The following AGBL4 variants were observed in gnomAD, a reference collection of about 807,000 sequenced individuals.
AGBL4 encodes cytosolic carboxypeptidase 6.
In AGBL4, 58 loss-of-function variants were observed where a neutral mutation model predicts 66.4. That is an observed-to-expected ratio of 0.87 (90% CI 0.71 to 1.09). The LOEUF is 1.09. Ranked by LOEUF, AGBL4 falls within the 50% of genes least tolerant of loss-of-function variation. The probability of loss-of-function intolerance (pLI) is 0.00; values close to 1 mark genes in which losing one functional copy is unlikely to be tolerated. For missense variants in AGBL4, 579 were observed against 631.0 expected (o/e 0.92, Z 0.88); for synonymous variants, 234 against 222.9 (o/e 1.05, Z -0.44).
chr1:49,335,244 C>G (rs1645410683), intron 3 of AGBL4, among the ~76,000 whole-genome samples: 2 of 152,202 alleles, frequency 1.3e-5, no homozygotes, highest in Non-Finnish European at 2.9e-5. Context: ...TTCTTTCTCT[C>G]AAACTCCACC....
intron 6 of AGBL4, among the ~76,000 whole-genome samples, chr1:48,732,924 C>T (rs17104732): frequency 1.3e-5 from 2 of 152,146 alleles, no homozygotes; most frequent in African/African-American, 4.8e-5. Context: ...GCGTGCAGAA[C>T]AGGTTTCTCA....
chr1:49,938,514 A>T (rs538886258), intron 1 of AGBL4, among the ~76,000 whole-genome samples: 1 of 152,354 alleles, frequency 6.6e-6, no homozygotes, highest in African/African-American at 2.4e-5. Context: ...GCACATCCTG[A>T]TACCAAAGCC....
intron 6 of AGBL4, among the ~76,000 whole-genome samples, chr1:48,790,661 A>G (rs148078871): frequency 2.0e-5 from 3 of 152,348 alleles, no homozygotes; most frequent in East Asian, 1.9e-4. Context: ...TGGAAACTCA[A>G]TCTCAAGTAC....
intron 2 of AGBL4, among the ~76,000 whole-genome samples, chr1:49,697,653 T>G (rs990694181): frequency 1.1e-4 from 17 of 152,182 alleles, no homozygotes; most frequent in Admixed American, 8.5e-4. Context: ...CTTCTCTGCC[T>G]GGCCCTTCTG....
At chr1:49,696,681 GA>G (rs965968558) in intron 3 of AGBL4, among the ~76,000 whole-genome samples, 106 of 149,476 alleles carry the variant, frequency 7.1e-4, no homozygotes, top group African/African-American at 2.4e-3. Context: ...TTCAAAATCT[GA>G]AAAAAAAACT....
At chr1:49,688,544 T>C (rs1011015668) in intron 3 of AGBL4, among the ~76,000 whole-genome samples, 5 of 152,200 alleles carry the variant, frequency 3.3e-5, no homozygotes, top group African/African-American at 1.2e-4. Context: ...ATACATGACA[T>C]TGCAAATATA....
chr1:49,300,139 T>C (rs1156667192), intron 3 of AGBL4, among the ~76,000 whole-genome samples: 1 of 152,226 alleles, frequency 6.6e-6, no homozygotes, highest in Admixed American at 6.5e-5. Flanking sequence ...AATGTTATTC[T>C]ACCAACCATC....
At chr1:49,475,389 T>C (rs1056558394) in intron 3 of AGBL4, among the ~76,000 whole-genome samples, 3 of 151,890 alleles carry the variant, frequency 2.0e-5, no homozygotes, top group East Asian at 1.9e-4. Flanking sequence ...TATTGGCCTG[T>C]AGTTTTTTTT....
intron 3 of AGBL4, among the ~76,000 whole-genome samples, chr1:49,283,619 G>GA (rs1263369542): frequency 2.6e-5 from 4 of 151,982 alleles, no homozygotes; most frequent in Non-Finnish European, 4.4e-5. Context: ...TGAAAACTTT[G>GA]AAAAAAATTT....
chr1:49,736,917 C>T (rs983951288), intron 2 of AGBL4, among the ~76,000 whole-genome samples: 1 of 151,688 alleles, frequency 6.6e-6, no homozygotes, highest in Non-Finnish European at 1.5e-5. Context: ...TAAAAATTAA[C>T]AACATAACTA....
intron 2 of AGBL4, among the ~76,000 whole-genome samples, chr1:49,749,775 C>A (rs1651302068): frequency 6.6e-6 from 1 of 152,114 alleles, no homozygotes; most frequent in South Asian, 2.1e-4. Context: ...AATGGTAGTT[C>A]TCCCCAATGT....
At chr1:49,595,255 A>C (rs540708305) in intron 3 of AGBL4, among the ~76,000 whole-genome samples, 1 of 151,764 alleles carries the variant, frequency 6.6e-6, no homozygotes, top group African/African-American at 2.4e-5. Context: ...CACCCAGCCA[A>C]TTTTTTTGTA....
intron 3 of AGBL4, among the ~76,000 whole-genome samples, chr1:49,405,365 A>C (rs147601103): frequency 1.3e-4 from 20 of 152,336 alleles, no homozygotes; most frequent in African/African-American, 4.8e-4. Flanking sequence ...GCATGACTTC[A>C]TTCTAACTGT....
At chr1:49,229,781 T>TC (rs1300351135) in intron 4 of AGBL4, among the ~76,000 whole-genome samples, 1 of 152,108 alleles carries the variant, frequency 6.6e-6, no homozygotes, top group East Asian at 1.9e-4. Context: ...GGGCTGGCTG[T>TC]CATAGCACTA....
intron 2 of AGBL4, among the ~76,000 whole-genome samples, chr1:49,846,706 G>A (rs1646155148): frequency 1.3e-5 from 2 of 152,016 alleles, no homozygotes; most frequent in South Asian, 4.1e-4. Flanking sequence ...AAAATATCTA[G>A]GAATACATGT....
intron 5 of AGBL4, among the ~76,000 whole-genome samples, chr1:48,935,278 C>T (rs1008567017): frequency 6.6e-6 from 1 of 152,106 alleles, no homozygotes; most frequent in African/African-American, 2.4e-5. Context: ...AAATAACATC[C>T]TGCCTGCCAC....
At chr1:48,996,751 G>A (rs976065457) in intron 5 of AGBL4, among the ~76,000 whole-genome samples, 6 of 151,980 alleles carry the variant, frequency 3.9e-5, no homozygotes, top group Non-Finnish European at 7.4e-5. Context: ...AAAAATTTTG[G>A]TATGAAGTAG....
chr1:49,109,919 T>TA (rs912441251), intron 4 of AGBL4, among the ~76,000 whole-genome samples: 7 of 152,152 alleles, frequency 4.6e-5, no homozygotes, highest in East Asian at 1.9e-4. Context: ...GAATGAATAA[T>TA]AAAAAAAACT....
Position 49,347,321 on chromosome 1 carries a change from A to G in AGBL4, c.283-101457T>C, listed in dbSNP as rs376177923. ...GGCTGGAGTGCAGTGGCACGATCTC[A>G]GCTCACTGCAAGCTCTGCCACCCGG... On this transcript the variant is annotated intron_variant, in intron 3 of 13. Transcript: ENST00000371839. Among the ~76,000 whole-genome samples, 285 of 144,820 alleles carry G rather than the reference A, an allele frequency of 2.0e-3. 2 individuals are homozygous for G. Among genetic ancestry groups the G allele is most frequent in the South Asian group, 1.0e-2 (46 of 4,602 alleles).
Sources: gnomAD v4.1 joint callset for allele counts (sites outside exome capture counted in the v4.1 genomes callset) on GRCh38, gnomAD v4.1.1 for gene constraint, MANE v1.5 for transcripts, NCBI Gene and HGNC (gene_info 2026-07-23, HGNC 2026-07-21) for gene names.